The following GHR variants were observed in gnomAD, a reference collection of about 807,000 sequenced individuals.
The protein encoded by GHR is GH receptor.
GHR carries 35 observed loss-of-function variants against 67.1 expected under a neutral mutation model. That is an observed-to-expected ratio of 0.52 (90% CI 0.40 to 0.69). The LOEUF (loss-of-function observed/expected upper bound fraction) is 0.69. Ranked by LOEUF, GHR falls within the 30% of genes least tolerant of loss-of-function variation. GHR has a pLI of 0.00. For synonymous variants in GHR, 272 were observed against 269.1 expected (o/e 1.01, Z -0.10); for missense variants, 792 against 764.6 (o/e 1.04, Z -0.42).
In GHR at chr5:42,718,961, A is replaced by G; in HGVS notation, c.1454A>G (p.Asp485Gly). 1 of 1,613,386 alleles carries G rather than the reference A, an allele frequency of 6.2e-7. No individual in the cohort carries two copies. The highest frequency in any genetic ancestry group is 1.1e-5 in the South Asian group (1 of 91,030). ...AATCCAAGTTCACTGTCAAACATCG[A>G]CTTTTATGCCCAGGTGAGCGACATT... ...LSNPSSLSNI[D>G]FYAQVSDITP... is the part of the protein sequence containing the mutation. The change falls in exon 10 of 10, where the codon GAC becomes GGC. Residue 485 changes from aspartate (D) to glycine (G), a missense_variant. Asp to Gly is a moderately conservative substitution (Grantham distance 94). Transcript: ENST00000230882.
At chr5:42,478,136 A>T (rs1322830270) in intron 1 of GHR, among the ~76,000 whole-genome samples, 1 of 152,226 alleles carries the variant, frequency 6.6e-6, no homozygotes, top group Non-Finnish European at 1.5e-5. Flanking sequence ...TTTATTAAAT[A>T]GGGAATCCTT....
intron 1 of GHR, among the ~76,000 whole-genome samples, chr5:42,551,231 T>C (rs143420077): frequency 6.6e-6 from 1 of 152,350 alleles, no homozygotes; most frequent in African/African-American, 2.4e-5. Context: ...AGAGCTCATC[T>C]GTTACACCCA....
chr5:42,652,483 T>C (rs1403282005), intron 3 of GHR, among the ~76,000 whole-genome samples: 5 of 152,154 alleles, frequency 3.3e-5, no homozygotes, highest in African/African-American at 9.7e-5. Flanking sequence ...GAAACCAAGA[T>C]GTTTTATTTA....
chr5:42,513,674 C>G (rs1392682505), intron 1 of GHR, among the ~76,000 whole-genome samples: 1 of 151,826 alleles, frequency 6.6e-6, no homozygotes, highest in East Asian at 2.0e-4. Context: ...CCCAGCTACT[C>G]GGGATGCTGA....
At chr5:42,672,090 G>C (rs1756344177) in intron 3 of GHR, among the ~76,000 whole-genome samples, 1 of 151,954 alleles carries the variant, frequency 6.6e-6, no homozygotes, top group South Asian at 2.1e-4. Flanking sequence ...GACAAGAAAA[G>C]GATGCCTTTT....
chr5:42,477,263 G>A (rs1301782834), intron 1 of GHR, among the ~76,000 whole-genome samples: 1 of 151,834 alleles, frequency 6.6e-6, no homozygotes, highest in Non-Finnish European at 1.5e-5. Flanking sequence ...TGCCACATTT[G>A]CTTAATCCAG....
At chr5:42,703,976 T>C (rs529525961) in intron 6 of GHR, among the ~76,000 whole-genome samples, 1 of 152,094 alleles carries the variant, frequency 6.6e-6, no homozygotes, top group East Asian at 1.9e-4. Context: ...TAAAATCATG[T>C]CATCTGTAAG....
chr5:42,507,000 C>A (rs1323221249), intron 1 of GHR, among the ~76,000 whole-genome samples: 1 of 152,172 alleles, frequency 6.6e-6, no homozygotes, highest in African/African-American at 2.4e-5. Context: ...ACATTTAGCA[C>A]AAATTAGCTA....
intron 2 of GHR, among the ~76,000 whole-genome samples, chr5:42,588,524 C>T (rs889404307): frequency 2.0e-4 from 3 of 15,372 alleles, no homozygotes; most frequent in African/African-American, 3.9e-4. Context: ...GAAACTCCAT[C>T]TCAAAAAAAA....
Position 42,630,789 on chromosome 5 carries a change from A to G in GHR, c.136+1686A>G, listed in dbSNP as rs544099926. On this transcript the variant is annotated intron_variant, in intron 3 of 9. Transcript: ENST00000230882. ...GTTGAAAATGTGTTACTAATGGTAC[A>G]TGCTTCACATTGAAACCATCCTCCT... Among the ~76,000 whole-genome samples, 10 of 132,518 alleles carry G rather than the reference A, an allele frequency of 7.5e-5. 4 individuals carry two copies. The highest frequency in any genetic ancestry group is 2.9e-4 in the African/African-American group (9 of 31,560). 86.9% of individuals were successfully genotyped at this position (132,518 alleles called of 152,430 possible).
At chr5:42,535,823 C>T (rs1393513846) in intron 1 of GHR, among the ~76,000 whole-genome samples, 4 of 151,928 alleles carry the variant, frequency 2.6e-5, no homozygotes, top group African/African-American at 9.7e-5. Context: ...TGGTCATCTA[C>T]GATTTCTTTC....
intron 3 of GHR, 54 bp from the exon 4 acceptor site, chr5:42,688,836 G>A: frequency 6.5e-7 from 1 of 1,544,910 alleles, no homozygotes; most frequent in Non-Finnish European, 9.0e-7. Flanking sequence ...GTCTCATTAG[G>A]ATCACATATG....
intron 1 of GHR, among the ~76,000 whole-genome samples, chr5:42,476,136 C>T (rs1054750251): frequency 6.6e-6 from 1 of 152,060 alleles, no homozygotes; most frequent in African/African-American, 2.4e-5. Flanking sequence ...ATCTCCTGAC[C>T]TCGTGATTTG....
chr5:42,488,653 G>A (rs549277146), intron 1 of GHR, among the ~76,000 whole-genome samples: 1 of 152,212 alleles, frequency 6.6e-6, no homozygotes, highest in East Asian at 1.9e-4. Flanking sequence ...TCATGTAATA[G>A]GGATTATTTT....
chr5:42,582,992 A>G (rs1751269778), intron 2 of GHR, among the ~76,000 whole-genome samples: 1 of 152,168 alleles, frequency 6.6e-6, no homozygotes, highest in Non-Finnish European at 1.5e-5. Context: ...CATGGGGTCC[A>G]GGCTGGTAGC....
intron 1 of GHR, among the ~76,000 whole-genome samples, chr5:42,469,514 A>C (rs965113760): frequency 6.6e-6 from 1 of 152,158 alleles, no homozygotes; most frequent in African/African-American, 2.4e-5. Flanking sequence ...GTGCTCCTAC[A>C]GTTTGTCTCT....
chr5:42,673,254 A>G (rs1294678466), intron 3 of GHR, among the ~76,000 whole-genome samples: 1 of 152,116 alleles, frequency 6.6e-6, no homozygotes, highest in African/African-American at 2.4e-5. Flanking sequence ...AAAGTCAAAA[A>G]CAACAGACGC....
At chr5:42,646,951 T>A (rs958898790) in intron 3 of GHR, among the ~76,000 whole-genome samples, 2 of 152,184 alleles carry the variant, frequency 1.3e-5, no homozygotes, top group Non-Finnish European at 2.9e-5. Flanking sequence ...GATCTGAAAT[T>A]GTTGTTCAGA....
At chr5:42,586,542 C>T (rs1751485474) in intron 2 of GHR, among the ~76,000 whole-genome samples, 1 of 152,156 alleles carries the variant, frequency 6.6e-6, no homozygotes, top group Non-Finnish European at 1.5e-5. Context: ...ATCATGTATG[C>T]TTTTAGGAGA....
Sources: allele counts gnomAD v4.1 joint callset (sites outside exome capture counted in the v4.1 genomes callset), GRCh38; gene constraint gnomAD v4.1.1; transcripts MANE v1.5; gene names NCBI Gene and HGNC (gene_info 2026-07-23, HGNC 2026-07-21).